Variants in SNX30 observed in about 807,000 individuals in gnomAD.
SNX30 encodes the protein sorting nexin-30.
SNX30 carries 24 observed loss-of-function variants against 46.4 expected under a neutral mutation model. The observed-to-expected ratio is 0.52, with a 90% CI of 0.37 to 0.73. The LOEUF (loss-of-function observed/expected upper bound fraction) is 0.73. SNX30 is among the 30% of genes least tolerant of loss of function. The probability of loss-of-function intolerance (pLI) is 0.00; values close to 1 mark genes in which losing one functional copy is unlikely to be tolerated. For missense variants in SNX30, 533 were observed against 555.7 expected, an observed-to-expected ratio of 0.96 and a Z score of 0.41; for synonymous variants, 189 against 211.5, an observed-to-expected ratio of 0.89 and a Z score of 0.92.
At chr9:112,855,112 A>G (rs1841099612) in intron 7 of SNX30, among the ~76,000 whole-genome samples, 1 of 152,150 alleles carries the variant, frequency 6.6e-6, no homozygotes, top group Non-Finnish European at 1.5e-5. Context: ...CCGACAGCCC[A>G]TCAGGAGGTT....
In SNX30 at chr9:112,869,090, C is replaced by G. The variant is rs551837893; in HGVS notation, c.*247C>G. ...GCATACCTCCATGTTGTGAAGGCAT[C>G]TGTTCAGTGAAGCACTACGAAAATT... is the stretch of plus-strand genomic sequence containing the variant. On this transcript the variant is annotated 3_prime_UTR_variant, in exon 9 of 9. Coordinates refer to ENST00000374232, the MANE Select transcript of SNX30 (RefSeq NM_001012994.2). The G allele has an allele frequency of 2.1e-4, 108 of 518,258 alleles. No homozygotes were observed. The highest frequency in any genetic ancestry group is 3.3e-4 in the Non-Finnish European group (94 of 285,462). The allele number at this position is 518,258 out of a possible 1,614,324, so 32.1% of individuals were successfully genotyped here. A position where few individuals can be genotyped will look rare whatever the true frequency, so the allele number is the denominator to read the frequency against.
Position 112,838,486 on chromosome 9 carries a change from T to C in SNX30, c.815-12T>C. On this transcript the variant is annotated splice_polypyrimidine_tract_variant and intron_variant, in intron 5 of 8. Coordinates refer to ENST00000374232, the MANE Select transcript of SNX30 (RefSeq NM_001012994.2). Reference sequence around the variant, plus strand: ...CCAGCCAGATTTTAATTAGTTTCTGTTCCCTGTTCAGAGTACCTTGTGGAG... The same window carrying C: ...CCAGCCAGATTTTAATTAGTTTCTGCTCCCTGTTCAGAGTACCTTGTGGAG... The C allele has an allele frequency of 6.3e-7, 1 of 1,594,752 alleles. No individual in the cohort carries two copies. Among genetic ancestry groups the C allele is most frequent in the African/African-American group, 1.3e-5 (1 of 74,408 alleles).
intron 1 of SNX30, among the ~76,000 whole-genome samples, chr9:112,755,582 T>C (rs1285754010): frequency 6.6e-6 from 1 of 151,898 alleles, no homozygotes; most frequent in East Asian, 1.9e-4. Context: ...ACATAGGCTG[T>C]TCAATTGAGA....
At chr9:112,814,092 C>G (rs1373023738) in intron 2 of SNX30, among the ~76,000 whole-genome samples, 1 of 151,542 alleles carries the variant, frequency 6.6e-6, no homozygotes, top group African/African-American at 2.4e-5. Flanking sequence ...CTGAAGACCC[C>G]AAAAGTAGCA....
chr9:112,877,909 T>C (rs1841535605), downstream of SNX30: 1 of 152,106 alleles, frequency 6.6e-6, no homozygotes, highest in Non-Finnish European at 1.5e-5. Context: ...GTAGAGATAG[T>C]GGTCTCGCTA....
At chr9:112,783,416 T>C (rs1239633096) in intron 1 of SNX30, among the ~76,000 whole-genome samples, 1 of 152,248 alleles carries the variant, frequency 6.6e-6, no homozygotes, top group Non-Finnish European at 1.5e-5. Context: ...GTAAAGTGAC[T>C]TACACAGTGC....
intron 3 of SNX30, among the ~76,000 whole-genome samples, chr9:112,819,640 T>C (rs954660613): frequency 6.6e-6 from 1 of 152,172 alleles, no homozygotes; most frequent in Non-Finnish European, 1.5e-5. Context: ...CTCCTTAGGC[T>C]CTTCTTGGTT....
At chr9:112,876,931 C>CAA (rs67151355), downstream of SNX30, among the ~76,000 whole-genome samples, 1,464 of 135,350 alleles carry the variant, frequency 0.011, 12 homozygotes, top group Middle Eastern at 0.019. Flanking sequence ...GTAAGACTGT[C>CAA]AAAAAAAAAA....
At chr9:112,819,905 T>G (rs1300645586) in intron 3 of SNX30, among the ~76,000 whole-genome samples, 4 of 152,214 alleles carry the variant, frequency 2.6e-5, no homozygotes, top group Non-Finnish European at 2.9e-5. Context: ...CTGGTCAGCT[T>G]TCTTCACTGT....
chr9:112,774,640 T>A (rs1181699722), intron 1 of SNX30, among the ~76,000 whole-genome samples: 2 of 152,278 alleles, frequency 1.3e-5, no homozygotes, highest in East Asian at 3.9e-4. Context: ...CTTTTTTAGT[T>A]TTAGCCATTC....
chr9:112,839,714 C>G (rs1840825043), intron 6 of SNX30, among the ~76,000 whole-genome samples: 1 of 152,198 alleles, frequency 6.6e-6, no homozygotes, highest in Non-Finnish European at 1.5e-5. Context: ...AAATAGCACC[C>G]TCCTGCTTCT....
intron 1 of SNX30, among the ~76,000 whole-genome samples, chr9:112,792,218 AAC>A (rs1319939934): frequency 6.6e-6 from 1 of 152,210 alleles, no homozygotes; most frequent in Non-Finnish European, 1.5e-5. Context: ...GTTCTCTGAC[AAC>A]AGTTTTGTGG....
At chr9:112,772,633 C>A (rs73548614) in intron 1 of SNX30, among the ~76,000 whole-genome samples, 1,666 of 152,204 alleles carry the variant, frequency 0.011, 27 homozygotes, top group African/African-American at 0.037. Context: ...TCAAATCATT[C>A]AAATTCTCTT....
intron 4 of SNX30, among the ~76,000 whole-genome samples, chr9:112,831,679 A>T (rs752825076): frequency 6.6e-6 from 1 of 152,162 alleles, no homozygotes; most frequent in Non-Finnish European, 1.5e-5. Flanking sequence ...ACCTGCAACC[A>T]TGTTCCTGTC....
chr9:112,769,347 G>C (rs901714429), intron 1 of SNX30, among the ~76,000 whole-genome samples: 1 of 152,150 alleles, frequency 6.6e-6, no homozygotes, highest in Admixed American at 6.5e-5. Context: ...TGGGCTGTGG[G>C]GCTGGCACTT....
At chr9:112,853,206 A>G (rs1841060191) in intron 7 of SNX30, among the ~76,000 whole-genome samples, 1 of 152,256 alleles carries the variant, frequency 6.6e-6, no homozygotes, top group African/African-American at 2.4e-5. Flanking sequence ...ATCTATGGAA[A>G]GGCAGATGAT....
chr9:112,782,052 A>G (rs1839854693), intron 1 of SNX30, among the ~76,000 whole-genome samples: 1 of 152,054 alleles, frequency 6.6e-6, no homozygotes, highest in African/African-American at 2.4e-5. Flanking sequence ...AGTCTTTGTT[A>G]GTAAAGGTTT....
chr9:112,772,140 G>A (rs370820121), intron 1 of SNX30, among the ~76,000 whole-genome samples: 3 of 152,188 alleles, frequency 2.0e-5, no homozygotes, highest in African/African-American at 4.8e-5. Flanking sequence ...GCCCGGTGAC[G>A]TTAGCTCTGT....
intron 2 of SNX30, among the ~76,000 whole-genome samples, chr9:112,814,827 A>T (rs1230710740): frequency 6.6e-6 from 1 of 152,242 alleles, no homozygotes; most frequent in East Asian, 1.9e-4. Context: ...TTTTAAGGGA[A>T]TTACGAGGTG....
Sources: allele counts gnomAD v4.1 joint callset (sites outside exome capture counted in the v4.1 genomes callset), GRCh38; gene constraint gnomAD v4.1.1; transcripts MANE v1.5; gene names NCBI Gene and HGNC (gene_info 2026-07-23, HGNC 2026-07-21).